Variants in TTBK2 observed in about 807,000 individuals in gnomAD.
TTBK2 encodes tau-tubulin kinase 2.
A neutral mutation model predicts 110.8 loss-of-function variants in TTBK2; 28 were observed. That is an observed-to-expected ratio of 0.25 (90% CI 0.19 to 0.35). The LOEUF is 0.35. Ranked by LOEUF, TTBK2 falls within the 10% of genes least tolerant of loss-of-function variation. The pLI is 1.00. For missense variants in TTBK2, 1,369 were observed against 1,500.3 expected (o/e 0.91, Z 1.45); for synonymous variants, 532 against 527.3 (o/e 1.01, Z -0.12).
intron 13 of TTBK2, among the ~76,000 whole-genome samples, chr15:42,769,528 T>A (rs1055471534): frequency 5.9e-5 from 9 of 152,216 alleles, no homozygotes; most frequent in African/African-American, 2.2e-4. Context: ...TCACTGGCCA[T>A]CAGAGAAATG....
chr15:42,915,467 A>G (rs1194071538), intron 1 of TTBK2, among the ~76,000 whole-genome samples: 5 of 152,208 alleles, frequency 3.3e-5, no homozygotes, highest in Admixed American at 2.0e-4. Context: ...TTCCCTTACT[A>G]TGCTTAATTT....
intron 6 of TTBK2, among the ~76,000 whole-genome samples, chr15:42,825,859 T>C (rs1431596133): frequency 6.6e-6 from 1 of 152,102 alleles, no homozygotes; most frequent in Non-Finnish European, 1.5e-5. Flanking sequence ...TAAGCTGTAT[T>C]TGTCAGTGCT....
intron 13 of TTBK2, among the ~76,000 whole-genome samples, chr15:42,755,186 G>A (rs1451089174): frequency 3.9e-5 from 6 of 151,948 alleles, no homozygotes; most frequent in African/African-American, 1.5e-4. Flanking sequence ...ATGTAAGTAG[G>A]CTGAAAATAA....
rs184179461 is a variant in TTBK2 at position 42,794,993 on chromosome 15, C to T, written c.823-192G>A. The T allele has an allele frequency of 9.1e-5, 62 of 683,668 alleles. 1 individual carries two copies. Among genetic ancestry groups the T allele is most frequent in the Admixed American group, 8.3e-4 (35 of 42,190 alleles). The allele number at this position is 683,668 out of a possible 1,614,324, so 42.4% of individuals were successfully genotyped here. ...TAGTGAATTAATGTTGATTTTTCTC[C>T]GTTGTGTAGAATGTTTCTGTTTTCG... On this transcript the variant is annotated intron_variant, in intron 9 of 14. Coordinates refer to ENST00000267890, the MANE Select transcript of TTBK2 (RefSeq NM_173500.4).
At chr15:42,910,129 G>A (rs538263696) in intron 1 of TTBK2, among the ~76,000 whole-genome samples, 365 of 152,254 alleles carry the variant, frequency 2.4e-3, no homozygotes, top group Non-Finnish European at 4.4e-3. Flanking sequence ...TATACACCAT[G>A]ATTAATATAT....
intron 1 of TTBK2, among the ~76,000 whole-genome samples, chr15:42,895,637 A>T (rs1596033946): frequency 6.6e-6 from 1 of 151,014 alleles, no homozygotes; most frequent in Admixed American, 6.6e-5. Flanking sequence ...TCCCGGGTTC[A>T]CGCCATTCTC....
At chr15:42,894,015 T>C (rs1895572637) in intron 1 of TTBK2, among the ~76,000 whole-genome samples, 1 of 152,150 alleles carries the variant, frequency 6.6e-6, no homozygotes, top group African/African-American at 2.4e-5. Flanking sequence ...ATCCCCCACA[T>C]GTCATGGGAG....
intron 13 of TTBK2, among the ~76,000 whole-genome samples, chr15:42,770,468 T>G (rs1475758743): frequency 1.3e-5 from 2 of 152,208 alleles, no homozygotes. Context: ...TATCAACCAT[T>G]GCATGCTGAG....
chr15:42,876,824 G>A (rs756624386), intron 2 of TTBK2, among the ~76,000 whole-genome samples: 2 of 152,224 alleles, frequency 1.3e-5, no homozygotes, highest in East Asian at 1.9e-4. Context: ...ATTGAAAGAC[G>A]ATTAGGATCC....
intron 7 of TTBK2, among the ~76,000 whole-genome samples, chr15:42,815,888 T>A (rs1406027511): frequency 7.2e-5 from 7 of 97,068 alleles, no homozygotes; most frequent in African/African-American, 3.1e-4. Context: ...ATATATATAT[T>A]TAAAAATATA....
chr15:42,771,751 A>G (rs1889688159), intron 13 of TTBK2, among the ~76,000 whole-genome samples: 1 of 151,988 alleles, frequency 6.6e-6, no homozygotes, highest in African/African-American at 2.4e-5. Context: ...CCTTTTCTCG[A>G]TCTCTAAGAA....
intron 10 of TTBK2, among the ~76,000 whole-genome samples, chr15:42,790,253 T>C (rs991353430): frequency 6.6e-6 from 1 of 151,722 alleles, no homozygotes; most frequent in Non-Finnish European, 1.5e-5. Flanking sequence ...CTATACTTGC[T>C]ATATTTCTTC....
intron 3 of TTBK2, chr15:42,871,357 G>A: frequency 1.2e-6 from 1 of 819,566 alleles, no homozygotes; most frequent in African/African-American, 1.9e-5. Context: ...TGATCTTCAA[G>A]TTTTATCAAA....
intron 13 of TTBK2, among the ~76,000 whole-genome samples, chr15:42,774,224 T>A (rs2140749587): frequency 6.6e-6 from 1 of 152,270 alleles, no homozygotes; most frequent in East Asian, 1.9e-4. Context: ...TCTGGTGAGT[T>A]GGGGGAGGGG....
At position 42,753,009 on chromosome 15, in the gene TTBK2, C is replaced by A; in HGVS notation, c.2237G>T (p.Arg746Ile). ...HIGHDMLPNI[R>I]ESNKSQDLGP... is the part of the protein sequence containing the mutation. ...CAGGTCTTGAGATTTGTTACTTTCT[C>A]TAATGTTGGGTAACATGTCATGACC... Residue 746 changes from arginine (R) to isoleucine (I), a missense_variant, in exon 14 of 15, where the codon AGA (arginine) becomes ATA (isoleucine). Physicochemically the swap from Arg to Ile is moderately conservative, Grantham distance 97 (BLOSUM62 -3). Transcript: ENST00000267890. The A allele has an allele frequency of 6.2e-7, 1 of 1,614,176 alleles. No individual in the cohort carries two copies. The highest frequency in any genetic ancestry group is 8.5e-7 in the Non-Finnish European group (1 of 1,180,034).
intron 1 of TTBK2, among the ~76,000 whole-genome samples, chr15:42,895,816 T>C (rs555803882): frequency 1.3e-5 from 2 of 152,088 alleles, no homozygotes; most frequent in African/African-American, 4.8e-5. Flanking sequence ...GGATTACAGG[T>C]GTGAGCCACC....
At chr15:42,838,121 T>A (rs1893068030) in intron 4 of TTBK2, among the ~76,000 whole-genome samples, 2 of 152,126 alleles carry the variant, frequency 1.3e-5, no homozygotes, top group South Asian at 2.1e-4. Flanking sequence ...GGCAGGAGAA[T>A]CGCTTGAACC....
chr15:42,785,341 G>C (rs925052109), intron 10 of TTBK2, among the ~76,000 whole-genome samples: 12 of 151,992 alleles, frequency 7.9e-5, no homozygotes, highest in African/African-American at 2.9e-4. Flanking sequence ...GGCTGGTCTC[G>C]AACTCCTGGC....
rs1029668236 is a variant in TTBK2 at position 42,742,473 on chromosome 15, G to A, written c.*3322C>T. 1 of 152,112 alleles carries A rather than the reference G, an allele frequency of 6.6e-6. No homozygotes were observed. The highest frequency in any genetic ancestry group is 1.5e-5 in the Non-Finnish European group (1 of 68,012). The allele number at this position is 152,112 out of a possible 1,614,324, so 9.4% of individuals were successfully genotyped here. A position where few individuals can be genotyped will look rare whatever the true frequency, so the allele number is the denominator to read the frequency against. ...ATACACTAAAATTAAACGCCTCTAC[G>A]CTGTGCAAGAAATCACTATGTGTGA... is the stretch of plus-strand genomic sequence containing the variant. On this transcript the variant is annotated 3_prime_UTR_variant, in exon 15 of 15. Coordinates refer to ENST00000267890, the MANE Select transcript of TTBK2 (RefSeq NM_173500.4).
Sources: gnomAD v4.1 joint callset for allele counts (sites outside exome capture counted in the v4.1 genomes callset) on GRCh38, gnomAD v4.1.1 for gene constraint, MANE v1.5 for transcripts, NCBI Gene and HGNC (gene_info 2026-07-23, HGNC 2026-07-21) for gene names.